The following AJAP1 variants were observed in gnomAD, a reference collection of about 807,000 sequenced individuals.
The protein encoded by AJAP1 is adherens junction-associated protein 1.
In AJAP1, 5 loss-of-function variants were observed where a neutral mutation model predicts 35.0. The ratio of observed to expected loss-of-function variants is 0.14; its 90% CI spans 0.07 to 0.30. AJAP1 has a LOEUF of 0.30. Among genes scored for constraint, AJAP1 ranks in the 10% least tolerant of loss-of-function variants. The pLI is 1.00. For missense variants in AJAP1, 586 were observed against 571.0 expected (o/e 1.03, Z -0.27); for synonymous variants, 284 against 249.3 (o/e 1.14, Z -1.31).
intron 3 of AJAP1, among the ~76,000 whole-genome samples, chr1:4,770,998 AC>A (rs1239687184): frequency 1.3e-5 from 2 of 151,366 alleles, no homozygotes; most frequent in African/African-American, 4.9e-5. Context: ...GGGACTTTGG[AC>A]CCCTGGACTG....
At chr1:4,768,986 T>TG (rs1327697767) in intron 2 of AJAP1, among the ~76,000 whole-genome samples, 3 of 151,778 alleles carry the variant, frequency 2.0e-5, no homozygotes, top group Non-Finnish European at 2.9e-5. Flanking sequence ...GGGACAGAGG[T>TG]GGGGGACGGG....
intron 2 of AJAP1, among the ~76,000 whole-genome samples, chr1:4,737,078 A>G (rs1315953726): frequency 6.6e-6 from 1 of 152,194 alleles, no homozygotes; most frequent in African/African-American, 2.4e-5. Context: ...CATTGGGCAA[A>G]GTGGGAATTA....
At chr1:4,690,114 G>T (rs555749419) in intron 1 of AJAP1, among the ~76,000 whole-genome samples, 154 of 152,334 alleles carry the variant, frequency 1.0e-3, no homozygotes, top group African/African-American at 3.0e-3. Context: ...CCCTGGAGGG[G>T]TAGTGTGGAG....
chr1:4,691,282 A>G (rs2100226631), intron 1 of AJAP1, among the ~76,000 whole-genome samples: 1 of 152,220 alleles, frequency 6.6e-6, no homozygotes, highest in African/African-American at 2.4e-5. Context: ...CCTTCCTGGG[A>G]CCAGGCCACC....
At chr1:4,709,419 C>G (rs1000345048) in intron 1 of AJAP1, among the ~76,000 whole-genome samples, 44 of 151,744 alleles carry the variant, frequency 2.9e-4, no homozygotes, top group African/African-American at 1.0e-3. Context: ...CTGGTGAGGC[C>G]TGGTGAGGTC....
intron 1 of AJAP1, among the ~76,000 whole-genome samples, chr1:4,706,629 C>G (rs1177790487): frequency 2.0e-5 from 3 of 152,188 alleles, no homozygotes; most frequent in Non-Finnish European, 4.4e-5. Context: ...CTGCTTCTCA[C>G]TGCACCAGTG....
chr1:4,736,365 G>A (rs77789237), intron 2 of AJAP1, among the ~76,000 whole-genome samples: 2,624 of 152,258 alleles, frequency 0.017, 65 homozygotes, highest in South Asian at 0.11. Flanking sequence ...TGCGCTGTGC[G>A]CAGCCCTCCC....
intron 2 of AJAP1, among the ~76,000 whole-genome samples, chr1:4,754,850 GCTCTC>G (rs1641392526): frequency 6.8e-6 from 1 of 146,986 alleles, no homozygotes; most frequent in Non-Finnish European, 1.5e-5. Context: ...CCTCCTTCCT[GCTCTC>G]CCCTCATCTC....
intron 2 of AJAP1, among the ~76,000 whole-genome samples, chr1:4,718,210 C>T (rs924088734): frequency 3.3e-5 from 5 of 151,958 alleles, no homozygotes. Flanking sequence ...TTAGAGCACT[C>T]CCTCTGTTTT....
chr1:4,760,881 G>C (rs958551399), intron 2 of AJAP1, among the ~76,000 whole-genome samples: 2 of 152,196 alleles, frequency 1.3e-5, no homozygotes, highest in African/African-American at 4.8e-5. Context: ...CCCACTCTGG[G>C]ATTCTTGGGG....
intron 1 of AJAP1, among the ~76,000 whole-genome samples, chr1:4,671,615 C>T (rs780547296): frequency 6.6e-6 from 1 of 152,122 alleles, no homozygotes; most frequent in African/African-American, 2.4e-5. Flanking sequence ...CCCACCAACT[C>T]TAGCAATTCT....
chr1:4,736,414 C>G (rs1431027154), intron 2 of AJAP1, among the ~76,000 whole-genome samples: 1 of 152,224 alleles, frequency 6.6e-6, no homozygotes, highest in African/African-American at 2.4e-5. Context: ...CATCTTACCC[C>G]CTCCCAGCTC....
chr1:4,774,681 C>G, intron 5 of AJAP1, 123 bp downstream of exon 5: 1 of 604,726 alleles, frequency 1.7e-6, no homozygotes, highest in Non-Finnish European at 2.9e-6. Context: ...TTTCCAATGG[C>G]ATCACTTCTC....
At chr1:4,715,454 C>A (rs189899708) in intron 2 of AJAP1, among the ~76,000 whole-genome samples, 2 of 152,184 alleles carry the variant, frequency 1.3e-5, no homozygotes, top group East Asian at 3.9e-4. Flanking sequence ...GAGGCTGAGG[C>A]GGATGGATCA....
In AJAP1 at chr1:4,655,897, C is replaced by T. The variant is rs1638870405; in HGVS notation, c.29+443C>T. ...GGGCTCCCAGCGAGAGCTTCGCAGG[C>T]GGAGTTGGAGGAAACCACAGCCAAA... On this transcript the variant is annotated intron_variant, in intron 1 of 5. Transcript: ENST00000378191. The surrounding 1 kb of genome is among the most constrained non-coding windows in gnomAD (Gnocchi z 6.9). Among the ~76,000 whole-genome samples the T allele has an allele frequency of 1.3e-5, 2 of 151,856 alleles. No homozygotes were observed. The highest frequency in any genetic ancestry group is 6.5e-5 in the Admixed American group (1 of 15,268).
intron 2 of AJAP1, among the ~76,000 whole-genome samples, chr1:4,737,495 C>CG (rs1640956119): frequency 6.6e-6 from 1 of 151,758 alleles, no homozygotes; most frequent in Non-Finnish European, 1.5e-5. Context: ...CCCCCCGAGA[C>CG]GGAAGCCCCC....
At chr1:4,708,428 G>A (rs1640150018) in intron 1 of AJAP1, among the ~76,000 whole-genome samples, 2 of 152,164 alleles carry the variant, frequency 1.3e-5, no homozygotes, top group Non-Finnish European at 2.9e-5. Flanking sequence ...TGCCATCTTG[G>A]TGCATGTCTG....
At chr1:4,666,470 G>T (rs12565905) in intron 1 of AJAP1, among the ~76,000 whole-genome samples, 3 of 128,604 alleles carry the variant, frequency 2.3e-5, no homozygotes, top group East Asian at 2.4e-4. Flanking sequence ...ACAGACCCTG[G>T]GGAGTGAGGG....
chr1:4,707,391 C>T (rs1640123773), intron 1 of AJAP1, among the ~76,000 whole-genome samples: 2 of 152,108 alleles, frequency 1.3e-5, no homozygotes, highest in South Asian at 4.2e-4. Flanking sequence ...AATATTTCGT[C>T]ACCCCATAAA....
Sources: allele counts gnomAD v4.1 joint callset (sites outside exome capture counted in the v4.1 genomes callset), GRCh38; gene constraint gnomAD v4.1.1; non-coding constraint Gnocchi (gnomAD v3.1); transcripts MANE v1.5; gene names NCBI Gene and HGNC (gene_info 2026-07-23, HGNC 2026-07-21).